The following CACNG4 variants were observed in gnomAD, a reference collection of about 807,000 sequenced individuals.
CACNG4 encodes calcium voltage-gated channel auxiliary subunit gamma 4.
In CACNG4, 8 loss-of-function variants were observed where a neutral mutation model predicts 22.9. The ratio of observed to expected loss-of-function variants is 0.35; its 90% confidence interval spans 0.21 to 0.63. The LOEUF (loss-of-function observed/expected upper bound fraction) is 0.63, where lower values mean the gene tolerates loss of function less well. Ranked by LOEUF, CACNG4 falls within the 30% of genes least tolerant of loss-of-function variation. The probability of loss-of-function intolerance (pLI) is 0.72; values close to 1 mark genes in which losing one functional copy is unlikely to be tolerated. For synonymous variants in CACNG4, 188 were observed against 191.9 expected, an observed-to-expected ratio of 0.98 and a Z score of 0.17; for missense variants, 357 against 455.4, an observed-to-expected ratio of 0.78 and a Z score of 1.97.
At chr17:66,991,778 C>T (rs1023095899) in intron 1 of CACNG4, among the ~76,000 whole-genome samples, 3 of 152,184 alleles carry the variant, frequency 2.0e-5, no homozygotes, top group Admixed American at 6.5e-5. Flanking sequence ...AGCCAAAGGC[C>T]GGAAACCTTG....
At position 66,964,817 on chromosome 17, in the gene CACNG4, C is replaced by A; in HGVS notation, c.-95C>A. Reference sequence around the variant, plus strand: ...GCGCCGCCCCCCGGCCCTCGGCCCCCCAACCCCGGCGCCCCCGGAGCGGCG... The same window carrying A: ...GCGCCGCCCCCCGGCCCTCGGCCCCACAACCCCGGCGCCCCCGGAGCGGCG... On this transcript the variant is annotated 5_prime_UTR_variant, in exon 1 of 4. Coordinates refer to ENST00000262138, the MANE Select transcript of CACNG4 (RefSeq NM_014405.4). 1.7e-6 allele frequency: 1 copy of A among 602,356 alleles called. No homozygotes were observed. The highest frequency in any genetic ancestry group is 2.1e-6 in the Non-Finnish European group (1 of 480,016). 37.3% of individuals were successfully genotyped at this position (602,356 alleles called of 1,614,324 possible).
At position 66,995,577 on chromosome 17, in the gene CACNG4, C is replaced by T. The variant is rs1241948769; in HGVS notation, c.221-22612C>T. Among the ~76,000 whole-genome samples the T allele has an allele frequency of 6.6e-5, 10 of 152,232 alleles. No individual in the cohort carries two copies. The East Asian group carries it at 7.7e-4, about 12-fold the overall frequency. The stretch of plus-strand genomic sequence containing the variant: ...TGTTAAAAATGGGATCTAGGCCGGG[C>T]GCAGGGGCTCACCCCTGTAATCTCA... On this transcript the variant is annotated intron_variant, in intron 1 of 3. Transcript: ENST00000262138.
At chr17:66,965,866 G>T (rs965593311) in intron 1 of CACNG4, among the ~76,000 whole-genome samples, 1 of 152,110 alleles carries the variant, frequency 6.6e-6, no homozygotes, top group Non-Finnish European at 1.5e-5. Flanking sequence ...GGTAAGGGGA[G>T]CGACACCGAG....
At chr17:67,023,185 C>T (rs1428805878) in intron 2 of CACNG4, among the ~76,000 whole-genome samples, 2 of 151,174 alleles carry the variant, frequency 1.3e-5, no homozygotes, top group Admixed American at 6.6e-5. Flanking sequence ...TAAGGATGCT[C>T]GTCGTTGGAT....
intron 1 of CACNG4, among the ~76,000 whole-genome samples, chr17:67,006,505 A>T (rs1203381752): frequency 6.6e-6 from 1 of 151,824 alleles, no homozygotes; most frequent in African/African-American, 2.4e-5. Flanking sequence ...CATGCCAAAC[A>T]TGCCTCTGGG....
intron 1 of CACNG4, among the ~76,000 whole-genome samples, chr17:66,979,092 C>T (rs1162310153): frequency 1.3e-5 from 2 of 152,164 alleles, no homozygotes; most frequent in South Asian, 2.1e-4. Flanking sequence ...TGCTGCCATT[C>T]GCACAGTCCC....
At chr17:66,965,922 G>A (rs2035167480) in intron 1 of CACNG4, among the ~76,000 whole-genome samples, 3 of 152,280 alleles carry the variant, frequency 2.0e-5, no homozygotes, top group Admixed American at 6.5e-5. Context: ...CCCTCAGCAG[G>A]GAGGCTGCGG....
chr17:67,001,935 C>T (rs1203492616), intron 1 of CACNG4, among the ~76,000 whole-genome samples: 1 of 152,200 alleles, frequency 6.6e-6, no homozygotes, highest in Non-Finnish European at 1.5e-5. Flanking sequence ...AGCTCTGAGG[C>T]CTTGCCTAAG....
intron 1 of CACNG4, among the ~76,000 whole-genome samples, chr17:66,971,607 G>A (rs376833882): frequency 9.9e-5 from 15 of 152,264 alleles, no homozygotes; most frequent in South Asian, 6.2e-4. Flanking sequence ...TGTGGGGAGC[G>A]GCTGGAGGGG....
At chr17:67,007,437 A>C (rs1056520326) in intron 1 of CACNG4, among the ~76,000 whole-genome samples, 1 of 152,154 alleles carries the variant, frequency 6.6e-6, no homozygotes, top group Non-Finnish European at 1.5e-5. Context: ...CCATATACTC[A>C]CACTCATGAC....
Position 66,985,863 on chromosome 17 carries a change from G to A in CACNG4, c.220+20732G>A, listed in dbSNP as rs548065182. Among the ~76,000 whole-genome samples, 13 of 152,260 alleles carry A rather than the reference G, an allele frequency of 8.5e-5. No homozygotes were observed. The South Asian group carries it at 2.3e-3, about 27-fold the overall frequency. On this transcript the variant is annotated intron_variant, in intron 1 of 3. Coordinates refer to ENST00000262138, the MANE Select transcript of CACNG4 (RefSeq NM_014405.4). The stretch of plus-strand genomic sequence containing the variant: ...GGAAGAGGAAGGTCCTTGGAGGCAA[G>A]GGATGTGGTCAGGGAAGTTTCTAGA...
intron 2 of CACNG4, among the ~76,000 whole-genome samples, chr17:67,020,542 G>A (rs764153454): frequency 2.0e-5 from 3 of 152,238 alleles, no homozygotes; most frequent in South Asian, 2.1e-4. Flanking sequence ...AAGTCAGGGC[G>A]GGGTGGGGCT....
At chr17:66,968,427 T>TCCTCTCTTCTCCCCTCCTCC (rs1221758878) in intron 1 of CACNG4, among the ~76,000 whole-genome samples, 15 of 149,164 alleles carry the variant, frequency 1.0e-4, no homozygotes, top group South Asian at 8.7e-4. Flanking sequence ...TCTCCTCCTC[T>TCCTCTCTTCTCCCCTCCTCC]CCTCTCTTCT....
intron 2 of CACNG4, among the ~76,000 whole-genome samples, chr17:67,019,229 G>A (rs2035517975): frequency 6.6e-6 from 1 of 152,108 alleles, no homozygotes; most frequent in African/African-American, 2.4e-5. Context: ...TTTTGATTCT[G>A]AGTCATCTGG....
chr17:67,032,378 A>T lies in CACNG4; in HGVS notation c.*1374A>T, dbSNP rs564700045. 4.9e-6 allele frequency: 1 copy of T among 202,782 alleles called. No homozygotes were observed. The highest frequency in any genetic ancestry group is 8.5e-5 in the South Asian group (1 of 11,696). The allele number at this position is 202,782 out of a possible 1,614,324, so 12.6% of individuals were successfully genotyped here. A position where few individuals can be genotyped will look rare whatever the true frequency, so the allele number is the denominator to read the frequency against. The stretch of plus-strand genomic sequence containing the variant: ...AACTTAACCCTCTTTTGTATAAAAC[A>T]TGTGCTTTCTAAAGAAAAATTGTTT... On this transcript the variant is annotated 3_prime_UTR_variant, in exon 4 of 4. Coordinates refer to ENST00000262138, the MANE Select transcript of CACNG4 (RefSeq NM_014405.4).
intron 1 of CACNG4, among the ~76,000 whole-genome samples, chr17:66,995,280 A>G (rs1598111398): frequency 6.6e-6 from 1 of 152,146 alleles, no homozygotes; most frequent in East Asian, 1.9e-4. Flanking sequence ...AGGATGTGCT[A>G]TTCCTATGTC....
intron 1 of CACNG4, among the ~76,000 whole-genome samples, chr17:67,011,702 G>C (rs1419385170): frequency 6.6e-6 from 1 of 152,222 alleles, no homozygotes. Context: ...GAATGATTGA[G>C]TGATGAGCAA....
chr17:66,964,787 G>A lies in CACNG4; in HGVS notation c.-125G>A, dbSNP rs2035155245. 9 of 270,936 alleles carry A rather than the reference G, an allele frequency of 3.3e-5. No individual in the cohort carries two copies. The highest frequency in any genetic ancestry group is 4.4e-5 in the Non-Finnish European group (8 of 180,470). The allele number at this position is 270,936 out of a possible 1,614,324, so 16.8% of individuals were successfully genotyped here. On this transcript the variant is annotated 5_prime_UTR_variant, in exon 1 of 4. Transcript: ENST00000262138. ...CCGGGGCGCGGGGTCGGAGCGCGCA[G>A]CGCGGCGCCGCCCCCCGGCCCTCGG...
Position 67,024,806 on chromosome 17 carries a change from G to A in CACNG4, c.305-54G>A, listed in dbSNP as rs532672525. 94 of 1,438,044 alleles carry A rather than the reference G, an allele frequency of 6.5e-5. No homozygotes were observed. In the African/African-American group the frequency reaches 1.2e-3, roughly 19 times the overall value. The allele number at this position is 1,438,044 out of a possible 1,614,324, so 89.1% of individuals were successfully genotyped here. ...GGGAGACATACGCAGCCATGCCCGG[G>A]AGGGCACCTGATCTCACTGCCCTCT... On this transcript the variant is annotated intron_variant, in intron 2 of 3. Transcript: ENST00000262138.
Sources: gnomAD v4.1 joint callset for allele counts (sites outside exome capture counted in the v4.1 genomes callset) on GRCh38, gnomAD v4.1.1 for gene constraint, MANE v1.5 for transcripts, NCBI Gene and HGNC (gene_info 2026-07-23, HGNC 2026-07-21) for gene names.